Variants in ALDH1L2 observed in about 807,000 individuals in gnomAD.
The protein encoded by ALDH1L2 is aldehyde dehydrogenase 1 family member L2.
ALDH1L2 carries 91 observed loss-of-function variants against 111.0 expected under a neutral mutation model. The ratio of observed to expected loss-of-function variants is 0.82; its 90% CI spans 0.69 to 0.98. The LOEUF is 0.98. Among genes scored for constraint, ALDH1L2 ranks in the 50% least tolerant of loss-of-function variants. The pLI is 0.00. For missense variants in ALDH1L2, 995 were observed against 1,126.8 expected (o/e 0.88, Z 1.67); for synonymous variants, 374 against 392.6 (o/e 0.95, Z 0.56).
At chr12:105,062,270 G>C (rs1877044858) in intron 7 of ALDH1L2, among the ~76,000 whole-genome samples, 2 of 152,256 alleles carry the variant, frequency 1.3e-5, no homozygotes, top group Admixed American at 6.5e-5. Flanking sequence ...GCTCAATGAG[G>C]TTCAGTAATT....
intron 15 of ALDH1L2, among the ~76,000 whole-genome samples, chr12:105,044,048 T>A (rs575630507): frequency 2.1e-4 from 32 of 152,320 alleles, no homozygotes; most frequent in African/African-American, 7.2e-4. Context: ...TATTATCCAA[T>A]AAAATTAAAA....
rs899409831 is a variant in ALDH1L2, at chr12:105,048,986, C to T, written c.1686+922G>A. On this transcript the variant is annotated intron_variant, in intron 13 of 22. Coordinates refer to ENST00000258494, the MANE Select transcript of ALDH1L2 (RefSeq NM_001034173.4). ...GCGAGGTTGTAGTGAGCTGAGATGG[C>T]GCCACTGCACTCCAGCCTGGGCGAC... 2.0e-5 allele frequency among the ~76,000 whole-genome samples: 3 copies of T among 152,004 alleles called. 1 individual carries two copies.
At chr12:105,037,775 T>TG (rs1193221216) in intron 18 of ALDH1L2, among the ~76,000 whole-genome samples, 3 of 151,734 alleles carry the variant, frequency 2.0e-5, no homozygotes, top group African/African-American at 7.3e-5. Flanking sequence ...TTTTTCTTTT[T>TG]TTTTTTTGAG....
At chr12:105,035,564 T>C (rs1030986293) in intron 18 of ALDH1L2, among the ~76,000 whole-genome samples, 1 of 152,038 alleles carries the variant, frequency 6.6e-6, no homozygotes, top group African/African-American at 2.4e-5. Flanking sequence ...GCGATCCTTC[T>C]ACCTCGACCT....
chr12:105,024,474 C>T lies in ALDH1L2; in HGVS notation c.2722G>A (p.Glu908Lys). The part of the protein sequence containing the change: ...QSGFGKDLGE[E>K]ALNEYLKTKT... ...GTTTTGAGATATTCATTTAGAGCTT[C>T]CTCACCTAGGGAAGAGAAAAGCAGT... The change falls in exon 23 of 23, where the codon GAA becomes AAA. Residue 908 changes from glutamate (E) to lysine (K), a missense_variant. Transcript: ENST00000258494. 6.2e-7 allele frequency: 1 copy of T among 1,613,976 alleles called. No individual in the cohort carries two copies. The highest frequency in any genetic ancestry group is 8.5e-7 in the Non-Finnish European group (1 of 1,179,916).
chr12:105,037,443 T>C (rs928463584), intron 18 of ALDH1L2, among the ~76,000 whole-genome samples: 1 of 152,176 alleles, frequency 6.6e-6, no homozygotes, highest in African/African-American at 2.4e-5. Context: ...TACCAGAAGC[T>C]CAATGTGCAA....
At position 105,084,309 on chromosome 12, in the gene ALDH1L2, C is replaced by T. The variant is rs1034179151; in HGVS notation, c.48+80G>A. The T allele has an allele frequency of 3.7e-5, 54 of 1,450,582 alleles. No individual in the cohort carries two copies. The African/African-American group carries it at 7.2e-4, about 19-fold the overall frequency. The allele number at this position is 1,450,582 out of a possible 1,614,324, so 89.9% of individuals were successfully genotyped here. A position where few individuals can be genotyped will look rare whatever the true frequency, so the allele number is the denominator to read the frequency against. The stretch of plus-strand genomic sequence containing the variant: ...AAGCATCGCTGCTCATCCCCAGCCC[C>T]ACCGCCCCGGCCCTCCCGCCCCGGA... On this transcript the variant is annotated intron_variant, in intron 1 of 22. Transcript: ENST00000258494.
chr12:105,026,864 GT>G (rs1354928167), intron 21 of ALDH1L2, 120 bp from the exon 22 acceptor site: 5 of 1,249,590 alleles, frequency 4.0e-6, no homozygotes, highest in Non-Finnish European at 4.5e-6. Context: ...CTGCTTAAAT[GT>G]TTTTGTTGTT....
At chr12:105,044,802 G>GA (rs1190600749) in intron 15 of ALDH1L2, among the ~76,000 whole-genome samples, 3 of 151,558 alleles carry the variant, frequency 2.0e-5, no homozygotes, top group Non-Finnish European at 2.9e-5. Context: ...AGCAAAAGGA[G>GA]AAAAAATCTG....
In ALDH1L2 at chr12:105,057,942, A is replaced by G. The variant is rs910757056; in HGVS notation, c.1287+131T>C. The G allele has an allele frequency of 3.5e-6, 4 of 1,135,932 alleles. No individual in the cohort carries two copies. The South Asian group carries it at 6.3e-5, about 18-fold the overall frequency. The allele number at this position is 1,135,932 out of a possible 1,614,324, so 70.4% of individuals were successfully genotyped here. A position where few individuals can be genotyped will look rare whatever the true frequency, so the allele number is the denominator to read the frequency against. ...TTAAAGGGGAATTTTATGCCATCTG[A>G]ATTAGATCTCAGTAAAGCTGTTGTT... On this transcript the variant is annotated intron_variant, in intron 10 of 22. Transcript: ENST00000258494.
intron 21 of ALDH1L2, 54 bp downstream of exon 21, chr12:105,030,270 G>A: frequency 6.9e-7 from 1 of 1,452,280 alleles, no homozygotes; most frequent in Admixed American, 1.8e-5. Context: ...TGGCAAAGGG[G>A]AAAAATGACT....
intron 10 of ALDH1L2, among the ~76,000 whole-genome samples, chr12:105,054,880 A>C (rs1458201667): frequency 1.3e-5 from 2 of 152,148 alleles, no homozygotes. Flanking sequence ...TCTGACTCAG[A>C]GCTTGTTATG....
intron 1 of ALDH1L2, among the ~76,000 whole-genome samples, chr12:105,082,619 A>T (rs536113806): frequency 6.6e-6 from 1 of 152,286 alleles, no homozygotes; most frequent in Admixed American, 6.5e-5. Flanking sequence ...AGGACAATTT[A>T]TTTCCAGTTT....
At chr12:105,068,453 T>C (rs1877502549) in intron 4 of ALDH1L2, among the ~76,000 whole-genome samples, 1 of 152,164 alleles carries the variant, frequency 6.6e-6, no homozygotes, top group Non-Finnish European at 1.5e-5. Context: ...GATTCAAGCA[T>C]TTGGCAAAAG....
Position 105,024,379 on chromosome 12 carries a change from T to TG in ALDH1L2, c.*44_*45insC. 6.2e-7 allele frequency: 1 copy of TG among 1,605,268 alleles called. No homozygotes were observed. The highest frequency in any genetic ancestry group is 8.5e-7 in the Non-Finnish European group (1 of 1,172,556). ...CCAATCTTCTTAAGTGTGTCCAGAG[T>TG]TGTAAAGGGCTGTCTGTCAAGGCTT... On this transcript the variant is annotated 3_prime_UTR_variant, in exon 23 of 23. Transcript: ENST00000258494.
intron 10 of ALDH1L2, among the ~76,000 whole-genome samples, chr12:105,053,643 G>A (rs1259743286): frequency 6.6e-6 from 1 of 152,102 alleles, no homozygotes; most frequent in Non-Finnish European, 1.5e-5. Context: ...AAGGTCTCTT[G>A]CCTTTTCCCA....
In ALDH1L2 at chr12:105,071,162, A is replaced by G. The variant is rs952658888; in HGVS notation, c.194-358T>C. 5.3e-5 allele frequency among the ~76,000 whole-genome samples: 8 copies of G among 152,186 alleles called. No individual in the cohort carries two copies. The East Asian group carries it at 1.5e-3, about 29-fold the overall frequency. ...GCATGTGCCAATACTTCACCCACCA[A>G]TTTAACATACTCACCTCTGGCACAG... On this transcript the variant is annotated intron_variant, in intron 2 of 22. Coordinates refer to ENST00000258494, the MANE Select transcript of ALDH1L2 (RefSeq NM_001034173.4).
chr12:105,061,640 G>A lies in ALDH1L2; in HGVS notation c.1034C>T (p.Ala345Val). The A allele has an allele frequency of 1.2e-6, 2 of 1,614,078 alleles. No individual in the cohort carries two copies. Among genetic ancestry groups the A allele is most frequent in the Non-Finnish European group, 1.7e-6 (2 of 1,180,010 alleles). ...VELTAEEVKV[A>V]ETIKVIWAGI... Reference sequence around the variant, plus strand: ...TCATGTGTTCACCTTGATGGTCTCTGCCACTTTCACCTCTTCAGCTGTCAG... The same window carrying A: ...TCATGTGTTCACCTTGATGGTCTCTACCACTTTCACCTCTTCAGCTGTCAG... The change falls in exon 8 of 23, where the codon GCA becomes GTA. Residue 345 changes from alanine to valine, a missense_variant. Coordinates refer to ENST00000258494, the MANE Select transcript of ALDH1L2 (RefSeq NM_001034173.4).
chr12:105,060,912 A>G (rs1487843612), intron 9 of ALDH1L2, 69 bp downstream of exon 9: 34 of 1,416,776 alleles, frequency 2.4e-5, no homozygotes, highest in Middle Eastern at 3.6e-4. Flanking sequence ...TGTGGATTTC[A>G]CTGTCAAAGC....
Sources: allele counts gnomAD v4.1 joint callset (sites outside exome capture counted in the v4.1 genomes callset), GRCh38; gene constraint gnomAD v4.1.1; transcripts MANE v1.5; gene names NCBI Gene and HGNC (gene_info 2026-07-23, HGNC 2026-07-21).